EHHADH: variants seen among roughly 807,000 people sequenced by gnomAD.
EHHADH encodes the protein peroxisomal bifunctional enzyme.
In EHHADH, 48 loss-of-function variants were observed where a neutral mutation model predicts 64.4. The ratio of observed to expected loss-of-function variants is 0.75; its 90% CI spans 0.59 to 0.95. The LOEUF (loss-of-function observed/expected upper bound fraction) is 0.95, where lower values mean the gene tolerates loss of function less well. EHHADH is among the 40% of genes least tolerant of loss of function. The probability of loss-of-function intolerance (pLI) is 0.00; values close to 1 mark genes in which losing one functional copy is unlikely to be tolerated. For missense variants in EHHADH, 854 were observed against 876.6 expected, an observed-to-expected ratio of 0.97 and a Z score of 0.33; for synonymous variants, 308 against 326.7, an observed-to-expected ratio of 0.94 and a Z score of 0.62.
At chr3:185,228,233 CAAAAAA>C (rs559959272) in intron 4 of EHHADH, among the ~76,000 whole-genome samples, 2 of 12,690 alleles carry the variant, frequency 1.6e-4, no homozygotes, top group African/African-American at 3.0e-4. Flanking sequence ...GACTCCGTCT[CAAAAAA>C]AAAAAAAAAA....
At chr3:185,201,764 T>C (rs1462679125) in intron 6 of EHHADH, among the ~76,000 whole-genome samples, 1 of 152,196 alleles carries the variant, frequency 6.6e-6, no homozygotes, top group Non-Finnish European at 1.5e-5. Flanking sequence ...CTTCAAACTT[T>C]TACACATTAT....
At chr3:185,245,574 G>T in intron 2 of EHHADH, 1 of 801,902 alleles carries the variant, frequency 1.2e-6, no homozygotes, top group Non-Finnish European at 2.1e-6. Flanking sequence ...GGAAATAAGA[G>T]TTGCATGTCC....
intron 6 of EHHADH, among the ~76,000 whole-genome samples, chr3:185,203,011 A>AG (rs1289774948): frequency 1.3e-5 from 2 of 151,996 alleles, no homozygotes; most frequent in East Asian, 1.9e-4. Context: ...TGGGAGATGA[A>AG]GGGAAAAAAA....
chr3:185,203,156 G>GT (rs1187003147), intron 6 of EHHADH, among the ~76,000 whole-genome samples: 4 of 151,942 alleles, frequency 2.6e-5, no homozygotes, highest in Admixed American at 1.3e-4. Context: ...TAATTGCCCT[G>GT]TTTTTTAAAA....
At chr3:185,252,334 A>G (rs1719772516) in intron 1 of EHHADH, among the ~76,000 whole-genome samples, 1 of 151,452 alleles carries the variant, frequency 6.6e-6, no homozygotes, top group South Asian at 2.1e-4. Context: ...CGGGAGGCAG[A>G]GGTTGCAGTG....
intron 2 of EHHADH, chr3:185,245,810 C>G: frequency 1.3e-6 from 1 of 748,690 alleles, no homozygotes; most frequent in South Asian, 1.5e-5. Context: ...TTTCTTGGTT[C>G]CTACTCAGAC....
chr3:185,229,783 C>A (rs986446370), intron 3 of EHHADH, among the ~76,000 whole-genome samples: 2 of 152,190 alleles, frequency 1.3e-5, no homozygotes, highest in Non-Finnish European at 2.9e-5. Flanking sequence ...TATTCTCTGA[C>A]TGTAATATGA....
intron 5 of EHHADH, among the ~76,000 whole-genome samples, chr3:185,212,673 A>AT (rs11450559): frequency 0.65 from 98,896 of 151,884 alleles, 34,510 homozygotes; most frequent in Non-Finnish European, 0.79. Context: ...TTCAACATGT[A>AT]TTTTTTTAAG....
intron 6 of EHHADH, among the ~76,000 whole-genome samples, chr3:185,197,087 CAG>C (rs1182127900): frequency 6.6e-6 from 1 of 151,628 alleles, no homozygotes; most frequent in Non-Finnish European, 1.5e-5. Context: ...GGCAAATCCA[CAG>C]AGACAGAAAA....
chr3:185,229,549 A>G lies in EHHADH; in HGVS notation c.352-6T>C. 6.5e-7 allele frequency: 1 copy of G among 1,548,936 alleles called. No homozygotes were observed. The highest frequency in any genetic ancestry group is 8.8e-7 in the Non-Finnish European group (1 of 1,142,572). On this transcript the variant is annotated splice_region_variant and splice_polypyrimidine_tract_variant and intron_variant, in intron 3 of 6. Transcript: ENST00000231887. ...TCTGGTAAGCCAACTTGAGCCTATC[A>G]AAGATTGAAGGCATAAAGGCCATTA...
At chr3:185,212,339 T>C (rs776742763) in intron 5 of EHHADH, among the ~76,000 whole-genome samples, 25 of 152,208 alleles carry the variant, frequency 1.6e-4, no homozygotes, top group Non-Finnish European at 2.9e-4. Context: ...ATAAAGCTAA[T>C]GAACTTCCAC....
chr3:185,248,249 C>A (rs1719649048), intron 2 of EHHADH, 165 bp downstream of exon 2: 1 of 626,080 alleles, frequency 1.6e-6, no homozygotes, highest in Admixed American at 2.8e-5. Context: ...CTGGGTCTCT[C>A]TTGTAATTCC....
chr3:185,228,257 A>AATATATATATATATATAT (rs1235531098), intron 4 of EHHADH, among the ~76,000 whole-genome samples: 16 of 22,000 alleles, frequency 7.3e-4, no homozygotes, highest in South Asian at 3.2e-3. Context: ...AAAAAAAAAA[A>AATATATATATATATATAT]ATATATATAT....
At chr3:185,228,093 G>A (rs1719038656) in intron 4 of EHHADH, among the ~76,000 whole-genome samples, 1 of 149,562 alleles carries the variant, frequency 6.7e-6, no homozygotes, top group Admixed American at 6.7e-5. Context: ...GACCTCAACT[G>A]AAAGTCTCTT....
intron 2 of EHHADH, chr3:185,245,931 C>A: frequency 1.4e-6 from 2 of 1,436,598 alleles, no homozygotes; most frequent in Non-Finnish European, 9.8e-7. Flanking sequence ...TATGTGTAGT[C>A]TCCTTCTGAG....
At chr3:185,228,929 G>A (rs757177413) in intron 4 of EHHADH, among the ~76,000 whole-genome samples, 56 of 151,686 alleles carry the variant, frequency 3.7e-4, no homozygotes, top group Non-Finnish European at 6.9e-4. Flanking sequence ...TCAGTCTCCC[G>A]AGTAGCTGGG....
In EHHADH at chr3:185,247,989, A is replaced by G. The variant is rs188480577; in HGVS notation, c.178+425T>C. On this transcript the variant is annotated intron_variant, in intron 2 of 6. Transcript: ENST00000231887. ...TATTGACCATCTTCTTTGTGTAGGT[A>G]CTGTAGTAGAGGCTTTCAGATATGT... 16 of 155,750 alleles carry G rather than the reference A, an allele frequency of 1.0e-4. No homozygotes were observed. The Admixed American group carries it at 1.0e-3, about 10-fold the overall frequency. 9.6% of individuals were successfully genotyped at this position (155,750 alleles called of 1,614,324 possible).
intron 2 of EHHADH, among the ~76,000 whole-genome samples, chr3:185,242,630 G>A (rs964285912): frequency 9.2e-5 from 14 of 152,124 alleles, no homozygotes; most frequent in Admixed American, 7.2e-4. Context: ...TGCCTCTGCC[G>A]AGTCATGCAG....
chr3:185,206,053 A>T (rs1407090842), intron 5 of EHHADH, among the ~76,000 whole-genome samples: 1 of 151,982 alleles, frequency 6.6e-6, no homozygotes, highest in East Asian at 1.9e-4. Flanking sequence ...TGTGGGCTAC[A>T]CTGCACGCTG....
Sources: gnomAD v4.1 joint callset for allele counts (sites outside exome capture counted in the v4.1 genomes callset) on GRCh38, gnomAD v4.1.1 for gene constraint, MANE v1.5 for transcripts, NCBI Gene and HGNC (gene_info 2026-07-23, HGNC 2026-07-21) for gene names.